Variants in SLC35F4 observed in about 807,000 individuals in gnomAD.
SLC35F4 encodes solute carrier family 35 member F4, also known as chromosome 14 open reading frame 36.
In SLC35F4, 24 loss-of-function variants were observed where a neutral mutation model predicts 44.2. The observed-to-expected ratio is 0.54, with a 90% CI of 0.39 to 0.76. SLC35F4 has a LOEUF of 0.76. Ranked by LOEUF, SLC35F4 falls within the 30% of genes least tolerant of loss-of-function variation. The probability of loss-of-function intolerance (pLI) is 0.00; values close to 1 mark genes in which losing one functional copy is unlikely to be tolerated. For synonymous variants in SLC35F4, 238 were observed against 223.6 expected (o/e 1.06, Z -0.57); for missense variants, 562 against 586.1 (o/e 0.96, Z 0.42).
At chr14:57,728,824 T>C (rs2076278068) in intron 1 of SLC35F4, among the ~76,000 whole-genome samples, 1 of 152,204 alleles carries the variant, frequency 6.6e-6, no homozygotes, top group Admixed American at 6.5e-5. Flanking sequence ...GAACTCCCTT[T>C]AGCATTTCTT....
intron 1 of SLC35F4, among the ~76,000 whole-genome samples, chr14:57,950,976 T>C (rs141659086): frequency 9.6e-4 from 146 of 152,196 alleles, no homozygotes; most frequent in African/African-American, 3.4e-3. Flanking sequence ...GGATAGACTG[T>C]TTCTTAAAAT....
intron 1 of SLC35F4, among the ~76,000 whole-genome samples, chr14:57,611,009 G>A (rs1174869367): frequency 6.6e-6 from 1 of 152,220 alleles, no homozygotes; most frequent in Non-Finnish European, 1.5e-5. Context: ...ATAGCAGAGT[G>A]GTGTCTAGTT....
At chr14:57,632,648 A>G (rs116855728) in intron 1 of SLC35F4, among the ~76,000 whole-genome samples, 1 of 151,994 alleles carries the variant, frequency 6.6e-6, no homozygotes, top group African/African-American at 2.4e-5. Flanking sequence ...TGAACACTGC[A>G]TTATCACCCA....
At chr14:57,975,461 G>A (rs1881188247), downstream of SLC35F4, among the ~76,000 whole-genome samples, 1 of 152,198 alleles carries the variant, frequency 6.6e-6, no homozygotes, top group African/African-American at 2.4e-5. Flanking sequence ...CAATGCTTTT[G>A]TATGGGACAC....
intron 1 of SLC35F4, among the ~76,000 whole-genome samples, chr14:57,962,171 T>C (rs1890350875): frequency 6.6e-6 from 1 of 152,238 alleles, no homozygotes; most frequent in African/African-American, 2.4e-5. Flanking sequence ...TTTGAATCTA[T>C]GATTTTATCC....
intron 1 of SLC35F4, among the ~76,000 whole-genome samples, chr14:57,813,439 A>G (rs1882198950): frequency 6.6e-6 from 1 of 152,126 alleles, no homozygotes; most frequent in Admixed American, 6.5e-5. Flanking sequence ...AAAATACAAA[A>G]ATAAGCCAGG....
chr14:57,880,707 A>G lies in SLC35F4; in HGVS notation n.282+101206T>C, dbSNP rs151134693. On this transcript the variant is annotated intron_variant and non_coding_transcript_variant, in intron 1 of 1. Transcript: ENST00000556568. ...TAGCTGTGCTCAGAATGTATCCAGG[A>G]GGACACTGGGCAGATTGTCTGGAGA... 1.4e-4 allele frequency among the ~76,000 whole-genome samples: 22 copies of G among 152,310 alleles called. No homozygotes were observed. In the East Asian group the frequency reaches 4.2e-3, roughly 29 times the overall value.
At chr14:57,652,870 A>G (rs1186336189) in intron 1 of SLC35F4, among the ~76,000 whole-genome samples, 4 of 152,224 alleles carry the variant, frequency 2.6e-5, no homozygotes, top group African/African-American at 9.6e-5. Context: ...GTGGATATTG[A>G]ACCAAAGCTG....
intron 1 of SLC35F4, among the ~76,000 whole-genome samples, chr14:57,783,670 G>A (rs1366279941): frequency 6.6e-6 from 1 of 152,188 alleles, no homozygotes; most frequent in Non-Finnish European, 1.5e-5. Flanking sequence ...TCTGAAGTCA[G>A]GAAGCACCTT....
chr14:57,856,197 G>C (rs1388616972), intron 1 of SLC35F4, among the ~76,000 whole-genome samples: 1 of 151,974 alleles, frequency 6.6e-6, no homozygotes. Context: ...GGGGGAGCTA[G>C]CATTAGGAGA....
At chr14:57,620,149 C>A (rs1290678699) in intron 1 of SLC35F4, among the ~76,000 whole-genome samples, 1 of 152,146 alleles carries the variant, frequency 6.6e-6, no homozygotes, top group Admixed American at 6.5e-5. Context: ...CTTCCCCAAC[C>A]TAGCAAGACA....
chr14:57,756,845 A>G (rs2077006223), intron 1 of SLC35F4, among the ~76,000 whole-genome samples: 1 of 151,028 alleles, frequency 6.6e-6, no homozygotes, highest in Non-Finnish European at 1.5e-5. Flanking sequence ...AATTTTTTGT[A>G]GAGACAGGTT....
At chr14:57,627,831 T>C (rs970551451) in intron 1 of SLC35F4, among the ~76,000 whole-genome samples, 2 of 152,002 alleles carry the variant, frequency 1.3e-5, no homozygotes, top group Admixed American at 1.3e-4. Flanking sequence ...GCCTCCAATG[T>C]TTTAGTCTTT....
chr14:57,569,700 A>C, intron 6 of SLC35F4, 88 bp downstream of exon 6: 1 of 1,342,730 alleles, frequency 7.4e-7, no homozygotes. Flanking sequence ...GCACAGAGTT[A>C]CCCAAGGAAA....
intron 1 of SLC35F4, among the ~76,000 whole-genome samples, chr14:57,711,174 A>T (rs971836987): frequency 1.3e-5 from 2 of 152,020 alleles, no homozygotes; most frequent in Middle Eastern, 3.2e-3. Flanking sequence ...GTGAGTTCTC[A>T]TGAGATGTGA....
At chr14:57,776,665 C>CAAAAAAAAAAAAAAAAAA (rs57272978) in intron 1 of SLC35F4, among the ~76,000 whole-genome samples, 18 of 72,070 alleles carry the variant, frequency 2.5e-4, no homozygotes, top group African/African-American at 7.3e-4. Flanking sequence ...GACTCCATCT[C>CAAAAAAAAAAAAAAAAAA]AAAAAAAAAA....
chr14:57,929,652 A>G (rs571731762), intron 1 of SLC35F4, among the ~76,000 whole-genome samples: 40 of 152,344 alleles, frequency 2.6e-4, no homozygotes, highest in East Asian at 1.9e-4. Context: ...GGTCATTACC[A>G]GAACATCCAG....
rs1480096285 is a variant in SLC35F4 at position 57,880,030 on chromosome 14, GAGGGAGGAAGGAAGGAAGGAAGGA to G, written n.282+101859_282+101882del. On this transcript the variant is annotated intron_variant and non_coding_transcript_variant, in intron 1 of 1. Coordinates refer to the SLC35F4 transcript ENST00000556568. ...GAAGGGAAAGGAAAGGAAAGGAAAG[GAGGGAGGAAGGAAGGAAGGAAGGA>G]AGGAAGGAAGGAAGGAAGGAAGGAA... 8.2e-3 allele frequency among the ~76,000 whole-genome samples: 986 copies of G among 120,160 alleles called. 36 individuals are homozygous for G. The highest frequency in any genetic ancestry group is 0.032 in the African/African-American group (927 of 28,576). 78.8% of individuals were successfully genotyped at this position (120,160 alleles called of 152,430 possible).
chr14:57,675,216 G>C (rs2074652192), intron 1 of SLC35F4, among the ~76,000 whole-genome samples: 1 of 152,010 alleles, frequency 6.6e-6, no homozygotes, highest in Non-Finnish European at 1.5e-5. Flanking sequence ...CTCAGTGAAA[G>C]TACACTTAAA....
Sources: allele counts gnomAD v4.1 joint callset (sites outside exome capture counted in the v4.1 genomes callset), GRCh38; gene constraint gnomAD v4.1.1; transcripts MANE v1.5; gene names NCBI Gene and HGNC (gene_info 2026-07-23, HGNC 2026-07-21).